The following KYNU variants were observed in gnomAD, a reference collection of about 807,000 sequenced individuals.
KYNU encodes L-kynurenine hydrolase.
KYNU carries 54 observed loss-of-function variants against 59.2 expected under a neutral mutation model. That is an observed-to-expected ratio of 0.91 (90% confidence interval 0.73 to 1.14). The LOEUF is 1.14. KYNU is among the 50% of genes most tolerant of loss of function. The probability of loss-of-function intolerance (pLI) is 0.00; values close to 1 mark genes in which losing one functional copy is unlikely to be tolerated. For synonymous variants in KYNU, 177 were observed against 192.0 expected (o/e 0.92, Z 0.65); for missense variants, 567 against 554.4 (o/e 1.02, Z -0.23).
At chr2:143,015,032 T>C (rs1686210130) in intron 10 of KYNU, among the ~76,000 whole-genome samples, 1 of 152,184 alleles carries the variant, frequency 6.6e-6, no homozygotes. Flanking sequence ...TAGGTGGGAC[T>C]AAAGGTGTGT....
At chr2:143,024,020 T>G (rs568662070) in intron 10 of KYNU, among the ~76,000 whole-genome samples, 2 of 151,682 alleles carry the variant, frequency 1.3e-5, no homozygotes, top group East Asian at 3.9e-4. Flanking sequence ...AGAAAAAAAT[T>G]GAATAAAAGG....
In KYNU at chr2:142,969,397, C is replaced by G. The variant is rs532103761; in HGVS notation, c.729+8627C>G. 3.2e-4 allele frequency among the ~76,000 whole-genome samples: 48 copies of G among 152,294 alleles called. 1 individual carries two copies. The highest frequency in any genetic ancestry group is 1.1e-3 in the African/African-American group (46 of 41,578). Reference sequence around the variant, plus strand: ...TTCCATTAGCTAATTGGTCTTTACTCTTCACTTTGGAAATAGTGGAAGATT... The same window carrying G: ...TTCCATTAGCTAATTGGTCTTTACTGTTCACTTTGGAAATAGTGGAAGATT... On this transcript the variant is annotated intron_variant, in intron 8 of 13. Coordinates refer to ENST00000264170, the MANE Select transcript of KYNU (RefSeq NM_003937.3).
At chr2:142,884,430 G>A (rs1681416561) in intron 1 of KYNU, among the ~76,000 whole-genome samples, 1 of 152,182 alleles carries the variant, frequency 6.6e-6, no homozygotes. Context: ...GTTGGGATAT[G>A]GAGAAAGACA....
chr2:143,023,111 G>A (rs1558980338), intron 10 of KYNU, among the ~76,000 whole-genome samples: 1 of 151,806 alleles, frequency 6.6e-6, no homozygotes, highest in Non-Finnish European at 1.5e-5. Flanking sequence ...TTAAAGCTAT[G>A]AATTGTTCTC....
Position 143,043,757 on chromosome 2 carries a change from AT to A in KYNU, c.*1588del, listed in dbSNP as rs1033739369. The A allele has an allele frequency of 1.3e-4, 19 of 140,840 alleles. No homozygotes were observed. Among genetic ancestry groups the A allele is most frequent in the African/African-American group, 4.9e-4 (19 of 38,978 alleles). 8.7% of individuals were successfully genotyped at this position (140,840 alleles called of 1,614,324 possible). A position where few individuals can be genotyped will look rare whatever the true frequency, so the allele number is the denominator to read the frequency against. ...ATATAAATATATATACTTTATATATATTTATATTTATATATTTATATATTTA... is the reference window on the plus strand; with the variant it reads ...ATATAAATATATATACTTTATATATATTATATTTATATATTTATATATTTA... On this transcript the variant is annotated 3_prime_UTR_variant, in exon 14 of 14. Coordinates refer to ENST00000264170, the MANE Select transcript of KYNU (RefSeq NM_003937.3).
At chr2:142,907,089 A>T (rs1682322542) in intron 2 of KYNU, among the ~76,000 whole-genome samples, 1 of 152,146 alleles carries the variant, frequency 6.6e-6, no homozygotes, top group Admixed American at 6.5e-5. Flanking sequence ...GATATTACTC[A>T]CTGCTTTGGA....
chr2:143,010,835 G>T (rs989022347), intron 10 of KYNU, among the ~76,000 whole-genome samples: 3 of 144,648 alleles, frequency 2.1e-5, no homozygotes, highest in South Asian at 2.4e-4. Flanking sequence ...TTAATAAATG[G>T]TGCTGGGAAA....
chr2:142,988,925 C>A, intron 10 of KYNU: 1 of 1,563,980 alleles, frequency 6.4e-7, no homozygotes, highest in Non-Finnish European at 8.8e-7. Context: ...GTCATCACTT[C>A]ATTGTCCCTG....
chr2:143,041,934 A>G, intron 13 of KYNU, 113 bp from the exon 14 acceptor site: 1 of 1,094,320 alleles, frequency 9.1e-7, no homozygotes, highest in Non-Finnish European at 1.4e-6. Flanking sequence ...TTGCATATAT[A>G]TTAATTTTTA....
At chr2:142,929,017 A>AAAC (rs1553478028) in intron 4 of KYNU, among the ~76,000 whole-genome samples, 68 of 146,758 alleles carry the variant, frequency 4.6e-4, no homozygotes, top group African/African-American at 1.7e-3. Context: ...CAAAAAAAAA[A>AAAC]AAAAAAAACA....
intron 10 of KYNU, among the ~76,000 whole-genome samples, chr2:142,990,240 ACAGTTAATTATTGCT>A (rs1477893929): frequency 6.6e-6 from 1 of 151,902 alleles, no homozygotes; most frequent in Admixed American, 6.6e-5. Context: ...TTCAGTCTAC[ACAGTTAATTATTGCT>A]CTGAAATATG....
At chr2:143,031,511 CA>C (rs1342079421) in intron 11 of KYNU, among the ~76,000 whole-genome samples, 2 of 151,708 alleles carry the variant, frequency 1.3e-5, no homozygotes, top group Non-Finnish European at 2.9e-5. Context: ...ATCAATTGAT[CA>C]CAGGAGTTTG....
At chr2:142,919,511 A>G (rs777145141) in intron 3 of KYNU, among the ~76,000 whole-genome samples, 2 of 152,274 alleles carry the variant, frequency 1.3e-5, no homozygotes, top group Non-Finnish European at 2.9e-5. Flanking sequence ...CGTTTCAGAA[A>G]GATGAAACCA....
At chr2:143,029,731 T>C (rs1359979472) in intron 11 of KYNU, 52 bp downstream of exon 11, 1 of 1,060,140 alleles carries the variant, frequency 9.4e-7, no homozygotes, top group East Asian at 2.4e-5. Flanking sequence ...TTTATTTCAA[T>C]GTTCATCTGT....
chr2:142,997,156 A>G (rs1453336714), intron 10 of KYNU, among the ~76,000 whole-genome samples: 1 of 152,130 alleles, frequency 6.6e-6, no homozygotes, highest in East Asian at 1.9e-4. Context: ...ATATTTCTTA[A>G]ACTTCAGTTG....
intron 10 of KYNU, among the ~76,000 whole-genome samples, chr2:143,017,434 C>CTTTTTTCTTTTTTTT (rs1558977527): frequency 2.9e-5 from 2 of 68,450 alleles, no homozygotes; most frequent in Non-Finnish European, 5.2e-5. Flanking sequence ...TCTCTTTTTT[C>CTTTTTTCTTTTTTTT]TTTTTTTTTT....
intron 10 of KYNU, among the ~76,000 whole-genome samples, chr2:142,997,327 G>A (rs1219824640): frequency 2.0e-5 from 3 of 152,128 alleles, no homozygotes; most frequent in African/African-American, 7.2e-5. Flanking sequence ...TTAGGTTATA[G>A]AGGATGCTAG....
rs182439546 is a variant in KYNU, at chr2:143,043,099, T to G, written c.*927T>G. 1 of 152,140 alleles carries G rather than the reference T, an allele frequency of 6.6e-6. No individual in the cohort carries two copies. The highest frequency in any genetic ancestry group is 1.9e-4 in the East Asian group (1 of 5,184). The allele number at this position is 152,140 out of a possible 1,614,324, so 9.4% of individuals were successfully genotyped here. On this transcript the variant is annotated 3_prime_UTR_variant, in exon 14 of 14. Coordinates refer to ENST00000264170, the MANE Select transcript of KYNU (RefSeq NM_003937.3). ...TTCACACTTTTTAAGAATGTTTCTT[T>G]CTTTAATGTTATCATAATCTCTTAC...
intron 12 of KYNU, among the ~76,000 whole-genome samples, chr2:143,039,357 T>A (rs1366991122): frequency 6.6e-6 from 1 of 152,146 alleles, no homozygotes; most frequent in Non-Finnish European, 1.5e-5. Context: ...TAGATCATAT[T>A]GCACTTTTTT....
Sources: gnomAD v4.1 joint callset for allele counts (sites outside exome capture counted in the v4.1 genomes callset) on GRCh38, gnomAD v4.1.1 for gene constraint, MANE v1.5 for transcripts, NCBI Gene and HGNC (gene_info 2026-07-23, HGNC 2026-07-21) for gene names.